The following SI variants were observed in gnomAD, a reference collection of about 807,000 sequenced individuals.
The protein encoded by SI is sucrase-isomaltase.
Under a neutral mutation model 253.3 loss-of-function variants are expected in SI, and 235 were observed. That is an observed-to-expected ratio of 0.93 (90% CI 0.83 to 1.03). The LOEUF (loss-of-function observed/expected upper bound fraction) is 1.03. Among genes scored for constraint, SI ranks in the 50% least tolerant of loss-of-function variants. The probability of loss-of-function intolerance (pLI) is 0.00; values close to 1 mark genes in which losing one functional copy is unlikely to be tolerated. For synonymous variants in SI, 819 were observed against 712.0 expected, an observed-to-expected ratio of 1.15 and a Z score of -2.39; for missense variants, 2,442 against 2,211.1, an observed-to-expected ratio of 1.10 and a Z score of -2.09.
chr3:165,011,216 T>G (rs1478007839), intron 34 of SI, among the ~76,000 whole-genome samples: 2 of 152,170 alleles, frequency 1.3e-5, no homozygotes, highest in East Asian at 3.9e-4. Flanking sequence ...TTTGAGATTT[T>G]TATTATTCTT....
intron 25 of SI, among the ~76,000 whole-genome samples, chr3:165,029,985 G>A (rs553872158): frequency 6.6e-6 from 1 of 150,614 alleles, no homozygotes; most frequent in Non-Finnish European, 1.5e-5. Context: ...TAATTTCTCT[G>A]GAGGCAGAGA....
chr3:165,019,616 C>G lies in SI; in HGVS notation c.3409G>C (p.Asp1137His). 6.2e-7 allele frequency: 1 copy of G among 1,612,364 alleles called. No individual in the cohort carries two copies. The highest frequency in any genetic ancestry group is 8.5e-7 in the Non-Finnish European group (1 of 1,178,878). The change falls in exon 28 of 48, where the codon GAC (aspartate) becomes CAC (histidine). Residue 1137 changes from aspartate to histidine, a missense_variant. Physicochemically the swap from Asp to His is moderately conservative, Grantham distance 81. Transcript: ENST00000264382. ...TTGGTACCTACACCAGGGGGTTGGTCTCTTGTGAACATTCCCCAAGTATTC... is the reference window on the plus strand; with the variant it reads ...TTGGTACCTACACCAGGGGGTTGGTGTCTTGTGAACATTCCCCAAGTATTC... ...NWNTWGMFTR[D>H]QPPGYKLNSY...
At chr3:165,014,679 T>G (rs1718943549) in intron 33 of SI, among the ~76,000 whole-genome samples, 1 of 152,206 alleles carries the variant, frequency 6.6e-6, no homozygotes, top group African/African-American at 2.4e-5. Flanking sequence ...ATATCAGGTC[T>G]GAATATACTT....
intron 37 of SI, among the ~76,000 whole-genome samples, chr3:165,000,093 A>G (rs1224176896): frequency 2.0e-5 from 3 of 151,230 alleles, no homozygotes; most frequent in Non-Finnish European, 3.0e-5. Flanking sequence ...ATGAAAATGT[A>G]TTTTTGGAGT....
At chr3:165,044,389 G>A (rs985034037) in intron 16 of SI, among the ~76,000 whole-genome samples, 3 of 151,890 alleles carry the variant, frequency 2.0e-5, no homozygotes. Flanking sequence ...GCACTATATA[G>A]CACACGAAGA....
chr3:164,993,723 T>C (rs2108129877), intron 41 of SI, among the ~76,000 whole-genome samples: 1 of 151,828 alleles, frequency 6.6e-6, no homozygotes, highest in Admixed American at 6.6e-5. Flanking sequence ...CTCCATGAAA[T>C]AGAATTTTTA....
rs1022763529 is a variant in SI, at chr3:164,997,100, T to C, written c.4541-328A>G. Among the ~76,000 whole-genome samples the C allele has an allele frequency of 4.0e-5, 6 of 151,746 alleles. No homozygotes were observed. The East Asian group carries it at 9.6e-4, about 24-fold the overall frequency. ...ACAGTTTCATTTTTGAAAATAAATA[T>C]GCTATTTCTGCAGTTACTTAACTAT... On this transcript the variant is annotated intron_variant, in intron 38 of 47. Coordinates refer to ENST00000264382, the MANE Select transcript of SI (RefSeq NM_001041.4).
At chr3:165,059,377 A>G (rs979116326) in intron 10 of SI, 78 bp from the exon 11 acceptor site, 3 of 1,354,614 alleles carry the variant, frequency 2.2e-6, no homozygotes, top group Non-Finnish European at 3.2e-6. Context: ...ACTCCATTGA[A>G]CGTGTATTAT....
At chr3:165,063,140 C>T (rs1443013531) in intron 8 of SI, among the ~76,000 whole-genome samples, 3 of 151,912 alleles carry the variant, frequency 2.0e-5, no homozygotes, top group East Asian at 1.9e-4. Context: ...TTACTTATCT[C>T]GACAAATGAG....
At chr3:165,062,824 T>G (rs185334109) in intron 8 of SI, among the ~76,000 whole-genome samples, 7 of 152,172 alleles carry the variant, frequency 4.6e-5, no homozygotes, top group Admixed American at 1.3e-4. Context: ...TCGTTTAAAT[T>G]GAAGATTATC....
Position 165,043,118 on chromosome 3 carries a change from A to C in SI, c.1945T>G (p.Trp649Gly), listed in dbSNP as rs1190036495. 6.2e-7 allele frequency: 1 copy of C among 1,612,804 alleles called. No individual in the cohort carries two copies. Among genetic ancestry groups the C allele is most frequent in the South Asian group, 1.1e-5 (1 of 91,056 alleles). ...AETTEELCRR[W>G]MQLGAFYPFS... ...GGATAAAATGCCCCAAGTTGCATCC[A>C]TCTTCTGCAAAGTTCTTCTGTGGTT... Residue 649 changes from tryptophan to glycine, a missense_variant, in exon 17 of 48, where the codon TGG (tryptophan) becomes GGG (glycine). Physicochemically the swap from Trp to Gly is radical, Grantham distance 184. Transcript: ENST00000264382.
At chr3:165,064,836 A>G (rs1051550070) in intron 7 of SI, among the ~76,000 whole-genome samples, 8 of 152,114 alleles carry the variant, frequency 5.3e-5, no homozygotes, top group Non-Finnish European at 7.4e-5. Flanking sequence ...GAAAATGACT[A>G]TATATTATAG....
intron 1 of SI, among the ~76,000 whole-genome samples, chr3:165,078,008 ATGAT>A (rs1200327929): frequency 6.6e-6 from 1 of 151,594 alleles, no homozygotes; most frequent in Non-Finnish European, 1.5e-5. Context: ...AACTTGATGA[ATGAT>A]CTTTAAAAGG....
chr3:165,021,144 A>G, intron 27 of SI, 85 bp downstream of exon 27: 2 of 1,190,402 alleles, frequency 1.7e-6, no homozygotes, highest in East Asian at 2.4e-5. Flanking sequence ...CTACTCTAGG[A>G]CAGTGAAGGC....
In SI at chr3:165,013,022, G is replaced by C; in HGVS notation, c.4020C>G (p.Asn1340Lys). The C allele has an allele frequency of 6.2e-7, 1 of 1,610,224 alleles. No individual in the cohort carries two copies. The highest frequency in any genetic ancestry group is 8.5e-7 in the Non-Finnish European group (1 of 1,176,726). The change falls in exon 34 of 48, where the codon AAC (asparagine) becomes AAG (lysine). Residue 1340 changes from asparagine (N) to lysine (K), a missense_variant. Coordinates refer to ENST00000264382, the MANE Select transcript of SI (RefSeq NM_001041.4). ...CCGTTAGAGTTTTATCTATTGTTAT[G>C]TTGGGCAAATCTGGCCAAACCTACA... The part of the protein sequence containing the change: ...CWAKVWPDLP[N>K]ITIDKTLTED...
rs759890469 is a variant in SI at position 165,012,934 on chromosome 3, GT to G, written c.4062+45del. 2.0e-5 allele frequency: 24 copies of G among 1,182,970 alleles called. No individual in the cohort carries two copies. The Admixed American group carries it at 3.9e-4, about 19-fold the overall frequency. The allele number at this position is 1,182,970 out of a possible 1,614,324, so 73.3% of individuals were successfully genotyped here. On this transcript the variant is annotated intron_variant, in intron 34 of 47. Transcript: ENST00000264382. ...TATTGATTAAAATAATCAAGTCTAA[GT>G]TTTGAATTTCTTCTCATTGTATAGT...
intron 45 of SI, among the ~76,000 whole-genome samples, chr3:164,986,595 T>G (rs1717451538): frequency 1.3e-5 from 2 of 152,216 alleles, no homozygotes; most frequent in African/African-American, 2.4e-5. Flanking sequence ...GAGAGCATTC[T>G]CTGTATCTTT....
intron 9 of SI, among the ~76,000 whole-genome samples, chr3:165,060,290 G>A: frequency 6.6e-6 from 1 of 151,918 alleles, no homozygotes; most frequent in Non-Finnish European, 1.5e-5. Flanking sequence ...ATATCAGAAA[G>A]TAGCTTTTGC....
upstream of SI, among the ~76,000 whole-genome samples, chr3:165,078,892 C>A (rs1715173995): frequency 6.6e-6 from 1 of 151,186 alleles, no homozygotes. Context: ...CAGGATATAA[C>A]AATTAGAAGA....
Sources: allele counts gnomAD v4.1 joint callset (sites outside exome capture counted in the v4.1 genomes callset), GRCh38; gene constraint gnomAD v4.1.1; transcripts MANE v1.5; gene names NCBI Gene and HGNC (gene_info 2026-07-23, HGNC 2026-07-21).